The following THSD7B variants were observed in gnomAD, a reference collection of about 807,000 sequenced individuals.
The protein encoded by THSD7B is thrombospondin type-1 domain-containing protein 7B.
THSD7B carries 138 observed loss-of-function variants against 213.6 expected under a neutral mutation model. The ratio of observed to expected loss-of-function variants is 0.65; its 90% confidence interval spans 0.56 to 0.74. The LOEUF (loss-of-function observed/expected upper bound fraction) is 0.74, where lower values mean the gene tolerates loss of function less well. THSD7B is among the 30% of genes least tolerant of loss of function. THSD7B has a pLI of 0.00. For missense variants in THSD7B, 1,931 were observed against 1,991.5 expected, an observed-to-expected ratio of 0.97 and a Z score of 0.58; for synonymous variants, 742 against 687.0, an observed-to-expected ratio of 1.08 and a Z score of -1.25.
intron 15 of THSD7B, among the ~76,000 whole-genome samples, chr2:137,524,889 T>C: frequency 6.6e-6 from 1 of 152,206 alleles, no homozygotes; most frequent in Non-Finnish European, 1.5e-5. Context: ...TGCTGTAGAA[T>C]TTGTATCCAC....
intron 7 of THSD7B, among the ~76,000 whole-genome samples, chr2:137,224,943 T>C (rs1573897215): frequency 1.3e-5 from 2 of 152,336 alleles, no homozygotes; most frequent in African/African-American, 4.8e-5. Context: ...TATTCTTCAT[T>C]TATTATTGCT....
intron 2 of THSD7B, among the ~76,000 whole-genome samples, chr2:137,016,695 G>A (rs908049457): frequency 6.6e-6 from 1 of 152,164 alleles, no homozygotes; most frequent in African/African-American, 2.4e-5. Flanking sequence ...AATGGTATGT[G>A]AAGAATGTCT....
intron 27 of THSD7B, among the ~76,000 whole-genome samples, chr2:137,670,234 G>A (rs551922141): frequency 3.4e-4 from 52 of 152,142 alleles, no homozygotes; most frequent in African/African-American, 1.1e-3. Context: ...AGCCAGATTC[G>A]TCTTTCTGAA....
chr2:137,507,831 C>T (rs185908740), intron 15 of THSD7B, among the ~76,000 whole-genome samples: 11 of 151,684 alleles, frequency 7.3e-5, no homozygotes, highest in South Asian at 2.1e-4. Context: ...TTATGTGTGG[C>T]GAAATTGATT....
chr2:137,560,295 A>T (rs1681083222), intron 15 of THSD7B, among the ~76,000 whole-genome samples: 1 of 152,160 alleles, frequency 6.6e-6, no homozygotes. Context: ...ACAATAGCAA[A>T]GACTTGGAAC....
At chr2:137,655,772 T>G (rs1683225049) in intron 22 of THSD7B, 112 bp downstream of exon 22, 1 of 1,270,182 alleles carries the variant, frequency 7.9e-7, no homozygotes, top group African/African-American at 1.5e-5. Context: ...TTAAATAACT[T>G]TAATTCATTT....
At chr2:137,323,147 A>C (rs530737459) in intron 12 of THSD7B, among the ~76,000 whole-genome samples, 4 of 152,360 alleles carry the variant, frequency 2.6e-5, no homozygotes, top group Admixed American at 2.0e-4. Flanking sequence ...GTTCAATCAC[A>C]ATTCTGAAAG....
At chr2:137,028,406 C>T (rs1686594379) in intron 2 of THSD7B, among the ~76,000 whole-genome samples, 2 of 152,176 alleles carry the variant, frequency 1.3e-5, no homozygotes, top group South Asian at 4.1e-4. Flanking sequence ...TCAACAATAT[C>T]AGCTGCCTTA....
At chr2:137,401,634 C>CTTTTTTTTTTTTTTTTTTT (rs35834967) in intron 12 of THSD7B, among the ~76,000 whole-genome samples, 1 of 132,696 alleles carries the variant, frequency 7.5e-6, no homozygotes. Context: ...TTCTTTCTTT[C>CTTTTTTTTTTTTTTTTTTT]TTTTTTTTTT....
At chr2:137,597,224 A>T (rs985083864) in intron 17 of THSD7B, among the ~76,000 whole-genome samples, 2 of 152,188 alleles carry the variant, frequency 1.3e-5, no homozygotes, top group Non-Finnish European at 2.9e-5. Context: ...TGACATTTAG[A>T]ATAATGGGAT....
At chr2:136,845,946 G>A (rs1008580611) in intron 1 of THSD7B, among the ~76,000 whole-genome samples, 2 of 152,140 alleles carry the variant, frequency 1.3e-5, no homozygotes. Flanking sequence ...GATCATTCCC[G>A]TGACTGGCCA....
intron 13 of THSD7B, among the ~76,000 whole-genome samples, chr2:137,411,313 G>C (rs1402840902): frequency 6.6e-6 from 1 of 152,176 alleles, no homozygotes; most frequent in Non-Finnish European, 1.5e-5. Context: ...AACTTACAGA[G>C]AAAATGTTAA....
chr2:137,652,713 A>G (rs747002341), intron 21 of THSD7B, among the ~76,000 whole-genome samples: 24 of 152,238 alleles, frequency 1.6e-4, no homozygotes, highest in Non-Finnish European at 3.1e-4. Flanking sequence ...TGGTAAACCT[A>G]TCATAAGTTT....
At chr2:136,843,088 ATTTTT>A (rs58411751) in intron 1 of THSD7B, among the ~76,000 whole-genome samples, 1 of 128,506 alleles carries the variant, frequency 7.8e-6, no homozygotes, top group Non-Finnish European at 1.7e-5. Context: ...GAGTGGTTTC[ATTTTT>A]TTTTTTTTTT....
rs115941552 is a variant in THSD7B at position 137,573,274 on chromosome 2, G to T, written c.3423+718G>T. ...AGTGGGGATTAGGAACAAATTATAT[G>T]AATTCAAACATTAGAAAGGAAAATT... On this transcript the variant is annotated intron_variant, in intron 17 of 27. Transcript: ENST00000409968. Among the ~76,000 whole-genome samples the T allele has an allele frequency of 6.5e-3, 994 of 152,122 alleles. 6 individuals are homozygous for T. Among genetic ancestry groups the T allele is most frequent in the African/African-American group, 0.023 (942 of 41,526 alleles).
chr2:137,314,002 G>A (rs1298647650), intron 12 of THSD7B, among the ~76,000 whole-genome samples: 7 of 152,088 alleles, frequency 4.6e-5, no homozygotes, highest in Middle Eastern at 3.4e-3. Flanking sequence ...TGCTCTTCTC[G>A]AGGAGTATCT....
At chr2:137,074,093 T>G (rs570767292) in intron 3 of THSD7B, among the ~76,000 whole-genome samples, 1 of 151,248 alleles carries the variant, frequency 6.6e-6, no homozygotes, top group East Asian at 1.9e-4. Context: ...TGTAAATGTC[T>G]ATTAGGTCCG....
intron 2 of THSD7B, among the ~76,000 whole-genome samples, chr2:136,931,320 G>T (rs1684623651): frequency 1.3e-5 from 2 of 152,126 alleles, no homozygotes; most frequent in Non-Finnish European, 2.9e-5. Context: ...TTACAATTGA[G>T]GAAATTATTG....
At chr2:137,504,869 A>G (rs969051753) in intron 15 of THSD7B, among the ~76,000 whole-genome samples, 1 of 152,198 alleles carries the variant, frequency 6.6e-6, no homozygotes, top group African/African-American at 2.4e-5. Flanking sequence ...GATTAAAGGC[A>G]ATGTATTAGA....
Sources: gnomAD v4.1 joint callset for allele counts (sites outside exome capture counted in the v4.1 genomes callset) on GRCh38, gnomAD v4.1.1 for gene constraint, MANE v1.5 for transcripts, NCBI Gene and HGNC (gene_info 2026-07-23, HGNC 2026-07-21) for gene names.